CELSR1: variants seen among roughly 807,000 people sequenced by gnomAD.
CELSR1 encodes the protein cadherin EGF LAG seven-pass G-type receptor 1, also known as adhesion G protein-coupled receptor C1.
A neutral mutation model predicts 249.1 loss-of-function variants in CELSR1; 110 were observed. The ratio of observed to expected loss-of-function variants is 0.44; its 90% CI spans 0.38 to 0.52. The LOEUF (loss-of-function observed/expected upper bound fraction) is 0.52, where lower values mean the gene tolerates loss of function less well. CELSR1 is among the 20% of genes least tolerant of loss of function. The probability of loss-of-function intolerance (pLI) is 0.00; values close to 1 mark genes in which losing one functional copy is unlikely to be tolerated. For synonymous variants in CELSR1, 2,113 were observed against 1,900.0 expected (o/e 1.11, Z -2.92); for missense variants, 4,109 against 4,296.4 (o/e 0.96, Z 1.22).
At chr22:46,382,415 T>C (rs866184124) in intron 20 of CELSR1, among the ~76,000 whole-genome samples, 161 of 152,180 alleles carry the variant, frequency 1.1e-3, no homozygotes, top group African/African-American at 3.5e-3. Context: ...GTAGCTGGGA[T>C]TACAGGTGCC....
intron 1 of CELSR1, among the ~76,000 whole-genome samples, chr22:46,485,652 G>C (rs1385271259): frequency 6.6e-6 from 1 of 152,156 alleles, no homozygotes; most frequent in African/African-American, 2.4e-5. Context: ...CGGCCAGCAG[G>C]CTCCATGCAC....
chr22:46,363,717 C>G lies in CELSR1; in HGVS notation c.9035+279G>C. ...GAGACAATGCTGATCAAACGCAGAG[C>G]CCAGCACCTTAGGTCCTAGCATTTT... On this transcript the variant is annotated intron_variant, in intron 34 of 34. Coordinates refer to ENST00000674500, the MANE Select transcript of CELSR1 (RefSeq NM_001378328.1). The surrounding 1 kb of genome is among the most constrained non-coding windows in gnomAD (Gnocchi z 4.3). 2.0e-6 allele frequency: 1 copy of G among 508,462 alleles called. No homozygotes were observed. Among genetic ancestry groups the G allele is most frequent in the Non-Finnish European group, 3.5e-6 (1 of 288,982 alleles). The allele number at this position is 508,462 out of a possible 1,614,324, so 31.5% of individuals were successfully genotyped here. A position where few individuals can be genotyped will look rare whatever the true frequency, so the allele number is the denominator to read the frequency against.
chr22:46,377,488 C>G (rs559730568), intron 23 of CELSR1: 1 of 569,200 alleles, frequency 1.8e-6, no homozygotes, highest in East Asian at 3.0e-5. Context: ...TGCGGCAGCA[C>G]GCCAGGCTCC....
intron 5 of CELSR1, among the ~76,000 whole-genome samples, chr22:46,416,468 T>TC (rs111574098): frequency 0.16 from 23,968 of 152,150 alleles, 2,024 homozygotes; most frequent in Non-Finnish European, 0.18. Flanking sequence ...CTGGACCTGG[T>TC]CACTCAGGCC....
intron 1 of CELSR1, among the ~76,000 whole-genome samples, chr22:46,516,873 C>T (rs1569213846): frequency 6.6e-6 from 1 of 152,220 alleles, no homozygotes; most frequent in Non-Finnish European, 1.5e-5. Flanking sequence ...GCTGTCCCCT[C>T]ACCCTCCCTC....
chr22:46,505,077 A>G (rs2080502213), intron 1 of CELSR1, among the ~76,000 whole-genome samples: 1 of 151,946 alleles, frequency 6.6e-6, no homozygotes, highest in African/African-American at 2.4e-5. Flanking sequence ...CCTGGCTAAC[A>G]CGGTGAAACC....
At position 46,425,172 on chromosome 22, in the gene CELSR1, A is replaced by G. The variant is rs373878211; in HGVS notation, c.4611+8221T>C. 1.4e-4 allele frequency among the ~76,000 whole-genome samples: 21 copies of G among 152,316 alleles called. No individual in the cohort carries two copies. The South Asian group carries it at 4.4e-3, about 32-fold the overall frequency. On this transcript the variant is annotated intron_variant, in intron 5 of 34. Transcript: ENST00000674500. ...TCTGGGCTGTCTCCCATTTGGGGAT[A>G]TTATGAAAAGCTGCTGTACCACTTG...
In CELSR1 at chr22:46,411,869, C is replaced by T. The variant is rs1160722061; in HGVS notation, c.4612-110G>A. 17 of 1,406,144 alleles carry T rather than the reference C, an allele frequency of 1.2e-5. No homozygotes were observed. In the East Asian group the frequency reaches 1.8e-4, roughly 15 times the overall value. 87.1% of individuals were successfully genotyped at this position (1,406,144 alleles called of 1,614,324 possible). On this transcript the variant is annotated intron_variant, in intron 5 of 34. Transcript: ENST00000674500. This position sits in a 1 kb window ranked among gnomAD's most constrained non-coding sequence, Gnocchi z 4.2. The stretch of plus-strand genomic sequence containing the variant: ...AGGACATGGCACAGGGTGGGCGGCA[C>T]GTAGACAAGGGATGAGGAGCCCCCG...
In CELSR1 at chr22:46,474,715, A is replaced by G. The variant is rs979732000; in HGVS notation, c.3545-10370T>C. On this transcript the variant is annotated intron_variant, in intron 1 of 34. Transcript: ENST00000674500. ...ACTGTAACTTTGTACTCTTTGACCA[A>G]TCTCTCCCCAACCCCCTCTTCCTCC... is the stretch of plus-strand genomic sequence containing the variant. Among the ~76,000 whole-genome samples, 9 of 108,890 alleles carry G rather than the reference A, an allele frequency of 8.3e-5. No homozygotes were observed. The South Asian group carries it at 2.7e-3, about 33-fold the overall frequency. 71.4% of individuals were successfully genotyped at this position (108,890 alleles called of 152,430 possible).
chr22:46,514,328 T>C (rs1403798021), intron 1 of CELSR1, among the ~76,000 whole-genome samples: 1 of 152,142 alleles, frequency 6.6e-6, no homozygotes, highest in South Asian at 2.1e-4. Flanking sequence ...AGGGTGATTA[T>C]TTAAGCCACA....
intron 2 of CELSR1, among the ~76,000 whole-genome samples, chr22:46,459,005 G>A (rs2079989052): frequency 6.6e-6 from 1 of 152,088 alleles, no homozygotes; most frequent in Non-Finnish European, 1.5e-5. Flanking sequence ...CGATTCTCCT[G>A]CTTCAGCCTC....
intron 2 of CELSR1, among the ~76,000 whole-genome samples, chr22:46,444,670 G>A (rs73890432): frequency 0.022 from 3,375 of 152,222 alleles, 103 homozygotes; most frequent in African/African-American, 0.074. Flanking sequence ...CGTGGCTGCC[G>A]TAACAGATGA....
intron 5 of CELSR1, among the ~76,000 whole-genome samples, chr22:46,420,159 C>G (rs1569150522): frequency 6.6e-6 from 1 of 151,932 alleles, no homozygotes; most frequent in Non-Finnish European, 1.5e-5. Context: ...AATGTGCCCT[C>G]ACCCACACGT....
In CELSR1 at chr22:46,518,538, G is replaced by A. The variant is rs2080651958; in HGVS notation, c.3544+15089C>T. Among the ~76,000 whole-genome samples the A allele has an allele frequency of 6.6e-6, 1 of 152,250 alleles. No individual in the cohort carries two copies. Among genetic ancestry groups the A allele is most frequent in the South Asian group, 2.1e-4 (1 of 4,836 alleles). ...CACAAACATGAAGGCAGGCGTGGCA[G>A]TGGGTTCACTACCCTGCCCCAATGC... On this transcript the variant is annotated intron_variant, in intron 1 of 34. Transcript: ENST00000674500. The surrounding 1 kb of genome is among the most constrained non-coding windows in gnomAD (Gnocchi z 5.2).
chr22:46,536,883 A>G lies in CELSR1; in HGVS notation c.288T>C (p.Ser96=). 1 of 1,225,388 alleles carries G rather than the reference A, an allele frequency of 8.2e-7. No individual in the cohort carries two copies. Among genetic ancestry groups the G allele is most frequent in the South Asian group, 2.4e-5 (1 of 40,844 alleles). The allele number at this position is 1,225,388 out of a possible 1,614,324, so 75.9% of individuals were successfully genotyped here. Residue 96 remains serine (S), a synonymous_variant, in exon 1 of 35, where the codon AGT becomes AGC. Transcript: ENST00000674500. ...LPLQVRLVAR[S]APTALSRRLR... is the part of the protein sequence containing the mutation. ...GGCGGCGGCTCAGCGCCGTCGGGGC[A>G]CTGCGGGCCACCAAGCGGACTTGCA...
chr22:46,475,668 A>G (rs372805615), intron 1 of CELSR1, among the ~76,000 whole-genome samples: 6 of 138,384 alleles, frequency 4.3e-5, no homozygotes, highest in South Asian at 4.8e-4. Flanking sequence ...ATGGGGGGGG[A>G]AGAAACAAGG....
intron 1 of CELSR1, among the ~76,000 whole-genome samples, chr22:46,531,573 T>C (rs993749505): frequency 2.6e-4 from 40 of 152,292 alleles, no homozygotes; most frequent in Non-Finnish European, 8.8e-5. Flanking sequence ...TCGTCAAAAA[T>C]GTTCTCCAAA....
At chr22:46,424,818 C>A (rs2079519066) in intron 5 of CELSR1, among the ~76,000 whole-genome samples, 1 of 152,150 alleles carries the variant, frequency 6.6e-6, no homozygotes, top group Non-Finnish European at 1.5e-5. Context: ...ACTAAAAATA[C>A]AAAATTAGCC....
Position 46,460,211 on chromosome 22 carries a change from A to ACACACACACCCC in CELSR1, c.4183+3495_4183+3496insGGGGTGTGTGTG, listed in dbSNP as rs773925316. Reference sequence around the variant, plus strand: ...CACACACACACACACACACACACACACACACCCATTAGCTACAGTCCCTGC... The same window carrying ACACACACACCCC: ...CACACACACACACACACACACACACACACACACACCCCCACACCCATTAGCTACAGTCCCTGC... On this transcript the variant is annotated intron_variant, in intron 2 of 34. Coordinates refer to ENST00000674500, the MANE Select transcript of CELSR1 (RefSeq NM_001378328.1). Among the ~76,000 whole-genome samples the ACACACACACCCC allele has an allele frequency of 8.8e-4, 131 of 148,974 alleles. 2 individuals carry two copies. The highest frequency in any genetic ancestry group is 7.0e-3 in the Middle Eastern group (2 of 286).
Sources: allele counts gnomAD v4.1 joint callset (sites outside exome capture counted in the v4.1 genomes callset), GRCh38; gene constraint gnomAD v4.1.1; non-coding constraint Gnocchi (gnomAD v3.1); transcripts MANE v1.5; gene names NCBI Gene and HGNC (gene_info 2026-07-23, HGNC 2026-07-21).